Variants in FAM171A1 observed in about 807,000 individuals in gnomAD.
FAM171A1 encodes the protein family with sequence similarity 171 member A1, also known as protein FAM171A1.
FAM171A1 carries 23 observed loss-of-function variants against 74.9 expected under a neutral mutation model. The observed-to-expected ratio is 0.31, with a 90% CI of 0.22 to 0.44. The LOEUF (loss-of-function observed/expected upper bound fraction) is 0.44. Among genes scored for constraint, FAM171A1 ranks in the 20% least tolerant of loss-of-function variants. The pLI is 1.00. For missense variants in FAM171A1, 1,162 were observed against 1,159.2 expected, an observed-to-expected ratio of 1.00 and a Z score of -0.03; for synonymous variants, 527 against 505.7, an observed-to-expected ratio of 1.04 and a Z score of -0.57.
chr10:15,347,447 G>A (rs545893355), intron 1 of FAM171A1, among the ~76,000 whole-genome samples: 1 of 152,224 alleles, frequency 6.6e-6, no homozygotes, highest in East Asian at 1.9e-4. Context: ...AAACAGCATC[G>A]GTAAGACCTA....
intron 3 of FAM171A1, among the ~76,000 whole-genome samples, chr10:15,263,768 T>G (rs1834696269): frequency 6.6e-6 from 1 of 151,964 alleles, no homozygotes. Flanking sequence ...TCTATCTATC[T>G]ATCTATCTAT....
intron 5 of FAM171A1, among the ~76,000 whole-genome samples, chr10:15,225,870 T>G (rs1163247952): frequency 6.6e-6 from 1 of 152,206 alleles, no homozygotes; most frequent in Non-Finnish European, 1.5e-5. Context: ...GGGATGCTCC[T>G]GGGTGAGGAC....
chr10:15,297,783 C>T (rs555591645), intron 1 of FAM171A1, among the ~76,000 whole-genome samples: 8 of 152,284 alleles, frequency 5.3e-5, no homozygotes, highest in Admixed American at 6.5e-5. Flanking sequence ...AATCCTGTTA[C>T]CCTAATAAGT....
intron 1 of FAM171A1, among the ~76,000 whole-genome samples, chr10:15,330,420 A>G (rs1350293546): frequency 6.6e-6 from 1 of 152,146 alleles, no homozygotes; most frequent in Non-Finnish European, 1.5e-5. Flanking sequence ...GAGTCATGGA[A>G]TAGGTAAATG....
chr10:15,279,446 G>C (rs966452317), intron 2 of FAM171A1, among the ~76,000 whole-genome samples: 2 of 152,120 alleles, frequency 1.3e-5, no homozygotes, highest in East Asian at 3.9e-4. Flanking sequence ...GGAGATCCGT[G>C]GGTAGTGCTG....
intron 1 of FAM171A1, among the ~76,000 whole-genome samples, chr10:15,369,233 T>TA (rs60236186): frequency 6.6e-6 from 1 of 150,472 alleles, no homozygotes; most frequent in African/African-American, 2.4e-5. Context: ...TATATATATA[T>TA]TGAAGACATG....
chr10:15,238,807 G>A (rs1361637995), intron 5 of FAM171A1, among the ~76,000 whole-genome samples: 4 of 152,186 alleles, frequency 2.6e-5, no homozygotes, highest in Non-Finnish European at 5.9e-5. Context: ...CTCTCAGGCT[G>A]TGTTTTGAAG....
chr10:15,359,038 T>C (rs1449027007), intron 1 of FAM171A1, among the ~76,000 whole-genome samples: 1 of 152,200 alleles, frequency 6.6e-6, no homozygotes, highest in East Asian at 1.9e-4. Flanking sequence ...CTGCATGCGA[T>C]TGATGTGAAG....
intron 5 of FAM171A1, among the ~76,000 whole-genome samples, chr10:15,248,305 C>T (rs758368980): frequency 6.6e-6 from 1 of 151,474 alleles, no homozygotes; most frequent in Non-Finnish European, 1.5e-5. Flanking sequence ...CACACATGAC[C>T]AAGAGCAACC....
At position 15,212,755 on chromosome 10, in the gene FAM171A1, T is replaced by C. The variant is rs1441145762; in HGVS notation, c.*160A>G. Reference sequence around the variant, plus strand: ...CTTTATTCCGAGTAATAACTTTAATTCCTTTCTAACATTTACACGGCAAAC... The same window carrying C: ...CTTTATTCCGAGTAATAACTTTAATCCCTTTCTAACATTTACACGGCAAAC... On this transcript the variant is annotated 3_prime_UTR_variant, in exon 8 of 8. Coordinates refer to ENST00000378116, the MANE Select transcript of FAM171A1 (RefSeq NM_001010924.2). 2.0e-6 allele frequency: 2 copies of C among 1,000,688 alleles called. No individual in the cohort carries two copies. Among genetic ancestry groups the C allele is most frequent in the Non-Finnish European group, 2.9e-6 (2 of 686,014 alleles). 62.0% of individuals were successfully genotyped at this position (1,000,688 alleles called of 1,614,324 possible).
intron 1 of FAM171A1, among the ~76,000 whole-genome samples, chr10:15,325,789 C>T (rs776141937): frequency 1.7e-4 from 26 of 152,226 alleles, no homozygotes; most frequent in Non-Finnish European, 3.1e-4. Flanking sequence ...AAGTGAATGA[C>T]GGGACATTGA....
chr10:15,215,731 T>C (rs1206536357), intron 7 of FAM171A1, among the ~76,000 whole-genome samples: 2 of 152,186 alleles, frequency 1.3e-5, no homozygotes, highest in Non-Finnish European at 2.9e-5. Flanking sequence ...AGGAATACTC[T>C]GAATAAATCA....
At chr10:15,321,189 G>A (rs1405411319) in intron 1 of FAM171A1, among the ~76,000 whole-genome samples, 1 of 152,184 alleles carries the variant, frequency 6.6e-6, no homozygotes, top group East Asian at 1.9e-4. Context: ...AATACTAGAT[G>A]CTTTAAATAA....
chr10:15,323,739 C>T (rs1835516043), intron 1 of FAM171A1, among the ~76,000 whole-genome samples: 1 of 151,866 alleles, frequency 6.6e-6, no homozygotes, highest in Non-Finnish European at 1.5e-5. Context: ...TATTTTATAC[C>T]CTCTATGTTA....
Position 15,213,430 on chromosome 10 carries a change from C to T in FAM171A1, c.2158G>A (p.Val720Ile), listed in dbSNP as rs760506170. Residue 720 changes from valine (V) to isoleucine (I), a missense_variant, in exon 8 of 8, where the codon GTT becomes ATT. Val to Ile is a conservative substitution (Grantham distance 29, BLOSUM62 3). Transcript: ENST00000378116. The surrounding 1 kb of genome is among the most constrained non-coding windows in gnomAD (Gnocchi z 6.8). ...VSLDGRSNAHVRHSYIDLQRA... is the reference protein window; with the variant it reads ...VSLDGRSNAHIRHSYIDLQRA... ...TGGAGATCAATGTATGAATGTCTAA[C>T]GTGAGCGTTGGACCTGCCATCCAAG... 1.4e-5 allele frequency: 22 copies of T among 1,614,068 alleles called. No individual in the cohort carries two copies. In the Admixed American group the frequency reaches 3.3e-4, roughly 24 times the overall value.
At chr10:15,357,494 G>A (rs1835947411) in intron 1 of FAM171A1, among the ~76,000 whole-genome samples, 1 of 152,184 alleles carries the variant, frequency 6.6e-6, no homozygotes, top group South Asian at 2.1e-4. Context: ...AAGGGAATGA[G>A]GGACCTTTCT....
chr10:15,356,004 G>T (rs1054663903), intron 1 of FAM171A1, among the ~76,000 whole-genome samples: 1 of 151,916 alleles, frequency 6.6e-6, no homozygotes, highest in Non-Finnish European at 1.5e-5. Context: ...GATATTCATT[G>T]AGATCATTTG....
At chr10:15,232,082 G>A (rs1174349425) in intron 5 of FAM171A1, among the ~76,000 whole-genome samples, 1 of 152,120 alleles carries the variant, frequency 6.6e-6, no homozygotes, top group Non-Finnish European at 1.5e-5. Context: ...GACAAAGTGA[G>A]ATCATGTCAA....
At chr10:15,233,263 C>A (rs1834231544) in intron 5 of FAM171A1, among the ~76,000 whole-genome samples, 2 of 152,008 alleles carry the variant, frequency 1.3e-5, no homozygotes, top group African/African-American at 4.8e-5. Flanking sequence ...CCACTACACT[C>A]CAGCCTGGGT....
Sources: allele counts gnomAD v4.1 joint callset (sites outside exome capture counted in the v4.1 genomes callset), GRCh38; gene constraint gnomAD v4.1.1; non-coding constraint Gnocchi (gnomAD v3.1); transcripts MANE v1.5; gene names NCBI Gene and HGNC (gene_info 2026-07-23, HGNC 2026-07-21).